THRB: variants seen among roughly 807,000 people sequenced by gnomAD.
The protein encoded by THRB is nuclear receptor subfamily 1 group A member 2.
Under a neutral mutation model 47.8 loss-of-function variants are expected in THRB, and 12 were observed. The observed-to-expected ratio is 0.25, with a 90% CI of 0.16 to 0.41. THRB has a LOEUF of 0.41. Ranked by LOEUF, THRB falls within the 10% of genes least tolerant of loss-of-function variation. THRB has a pLI of 1.00. For synonymous variants in THRB, 218 were observed against 212.2 expected, an observed-to-expected ratio of 1.03 and a Z score of -0.24; for missense variants, 348 against 589.2, an observed-to-expected ratio of 0.59 and a Z score of 4.24.
At chr3:24,165,011 G>A (rs1381871554) in intron 5 of THRB, 4 of 720,358 alleles carry the variant, frequency 5.6e-6, no homozygotes, top group Admixed American at 3.8e-5. Context: ...ACAAATTTAA[G>A]CAAAATGGTC....
At chr3:24,370,658 A>G (rs2064838283) in intron 1 of THRB, among the ~76,000 whole-genome samples, 1 of 152,088 alleles carries the variant, frequency 6.6e-6, no homozygotes, top group Admixed American at 6.6e-5. Flanking sequence ...CAAAATGGAT[A>G]ATGATAGGGA....
At chr3:24,184,379 G>A (rs826216) in intron 5 of THRB, among the ~76,000 whole-genome samples, 64,483 of 152,024 alleles carry the variant, frequency 0.42, 15,241 homozygotes, top group African/African-American at 0.64. Flanking sequence ...ATCCTTTGGC[G>A]TGACAGACAC....
At chr3:24,313,453 G>A (rs2057897109) in intron 2 of THRB, among the ~76,000 whole-genome samples, 1 of 152,054 alleles carries the variant, frequency 6.6e-6, no homozygotes, top group Admixed American at 6.6e-5. Flanking sequence ...TGCCACCCAC[G>A]GGACTAAATG....
At chr3:24,444,170 C>T (rs74878410) in intron 1 of THRB, among the ~76,000 whole-genome samples, 4,427 of 151,668 alleles carry the variant, frequency 0.029, 81 homozygotes, top group South Asian at 0.074. Flanking sequence ...TTGAACTTTG[C>T]TGTGGAAATT....
chr3:24,230,428 C>G (rs1007575545), intron 3 of THRB, among the ~76,000 whole-genome samples: 1 of 152,190 alleles, frequency 6.6e-6, no homozygotes, highest in Non-Finnish European at 1.5e-5. Flanking sequence ...ATAGTGTAAG[C>G]TGCCAAATTG....
chr3:24,286,721 A>G (rs531499937), intron 3 of THRB, among the ~76,000 whole-genome samples: 103 of 152,322 alleles, frequency 6.8e-4, no homozygotes, highest in Non-Finnish European at 1.3e-3. Flanking sequence ...ACTAGATAAA[A>G]TAGAAATTTT....
At chr3:24,167,010 C>T (rs1181565538) in intron 5 of THRB, among the ~76,000 whole-genome samples, 4 of 152,014 alleles carry the variant, frequency 2.6e-5, no homozygotes, top group East Asian at 3.9e-4. Context: ...AAAAAATCAC[C>T]GTCTCTGTCA....
intron 5 of THRB, among the ~76,000 whole-genome samples, chr3:24,153,950 A>G (rs746841528): frequency 2.0e-4 from 30 of 152,210 alleles, no homozygotes; most frequent in Non-Finnish European, 3.8e-4. Context: ...GACATTTCAT[A>G]GACCTTTTAT....
chr3:24,375,882 C>T (rs1340079627), intron 1 of THRB, among the ~76,000 whole-genome samples: 1 of 151,970 alleles, frequency 6.6e-6, no homozygotes, highest in Non-Finnish European at 1.5e-5. Context: ...CAACAGATGA[C>T]CATATCCCAA....
chr3:24,168,353 GTTGTC>G (rs2039936612), intron 5 of THRB, among the ~76,000 whole-genome samples: 1 of 151,986 alleles, frequency 6.6e-6, no homozygotes, highest in African/African-American at 2.4e-5. Context: ...CAGTGAGGTT[GTTGTC>G]TTATTTTCTT....
chr3:24,490,329 G>T (rs1335513186), intron 1 of THRB, among the ~76,000 whole-genome samples: 1 of 152,198 alleles, frequency 6.6e-6, no homozygotes, highest in African/African-American at 2.4e-5. Context: ...AAAACAGACA[G>T]CTGTGATCTG....
chr3:24,214,167 T>C (rs2046335922), intron 4 of THRB, among the ~76,000 whole-genome samples: 1 of 152,042 alleles, frequency 6.6e-6, no homozygotes, highest in Non-Finnish European at 1.5e-5. Flanking sequence ...GGACTTGAGG[T>C]GGATGTGACA....
intron 4 of THRB, 93 bp from the exon 5 acceptor site, chr3:24,190,427 T>C (rs191411708): frequency 1.3e-6 from 2 of 1,499,168 alleles, no homozygotes; most frequent in African/African-American, 2.8e-5. Context: ...GTTTCTCAAT[T>C]CTTTTGGGCT....
intron 1 of THRB, among the ~76,000 whole-genome samples, chr3:24,461,494 G>A (rs78158283): frequency 0.023 from 3,492 of 152,272 alleles, 74 homozygotes; most frequent in East Asian, 0.087. Context: ...GGACTTATCT[G>A]CCAAGTTAAG....
At chr3:24,285,636 C>T (rs2055194342) in intron 3 of THRB, among the ~76,000 whole-genome samples, 2 of 151,936 alleles carry the variant, frequency 1.3e-5, no homozygotes, top group Non-Finnish European at 1.5e-5. Flanking sequence ...CTTATTTTCT[C>T]CCAAGAATAC....
chr3:24,190,832 G>A (rs184418304), intron 4 of THRB, among the ~76,000 whole-genome samples: 8 of 151,388 alleles, frequency 5.3e-5, no homozygotes, highest in African/African-American at 4.9e-5. Context: ...TGGCCACACC[G>A]AGAGTGGCAA....
At chr3:24,306,932 A>G (rs2057380850) in intron 2 of THRB, among the ~76,000 whole-genome samples, 1 of 152,164 alleles carries the variant, frequency 6.6e-6, no homozygotes, top group African/African-American at 2.4e-5. Flanking sequence ...TTAGTCTATC[A>G]TATCTGGTTC....
At chr3:24,490,401 C>A (rs111913299) in intron 1 of THRB, among the ~76,000 whole-genome samples, 169 of 152,310 alleles carry the variant, frequency 1.1e-3, no homozygotes, top group Non-Finnish European at 2.0e-3. Flanking sequence ...CCAAATATGA[C>A]ACTTAATACC....
chr3:24,185,151 T>C (rs1369584824), intron 5 of THRB, among the ~76,000 whole-genome samples: 1 of 152,226 alleles, frequency 6.6e-6, no homozygotes, highest in Non-Finnish European at 1.5e-5. Flanking sequence ...CTTTAACTTG[T>C]CTAAATCTTG....
Sources: allele counts gnomAD v4.1 joint callset (sites outside exome capture counted in the v4.1 genomes callset), GRCh38; gene constraint gnomAD v4.1.1; transcripts MANE v1.5; gene names NCBI Gene and HGNC (gene_info 2026-07-23, HGNC 2026-07-21).